Variants in SYNPR observed in about 807,000 individuals in gnomAD.
SYNPR encodes synaptoporin.
Under a neutral mutation model 32.9 loss-of-function variants are expected in SYNPR, and 23 were observed. That is an observed-to-expected ratio of 0.70 (90% CI 0.50 to 0.99). SYNPR has a LOEUF of 0.99. Ranked by LOEUF, SYNPR falls within the 50% of genes least tolerant of loss-of-function variation. The pLI is 0.00. For missense variants in SYNPR, 318 were observed against 349.3 expected, an observed-to-expected ratio of 0.91 and a Z score of 0.71; for synonymous variants, 146 against 135.9, an observed-to-expected ratio of 1.07 and a Z score of -0.52.
rs149991183 is a variant in SYNPR at position 63,242,430 on chromosome 3, A to C, written n.67-10069A>C. Among the ~76,000 whole-genome samples the C allele has an allele frequency of 3.6e-3, 546 of 152,222 alleles. 5 individuals carry two copies. The East Asian group carries it at 0.039, about 11-fold the overall frequency. On this transcript the variant is annotated intron_variant and non_coding_transcript_variant, in intron 1 of 4. Transcript: ENST00000478456. ...CGACCAGCTAGGGGAAGCAGCAAGA[A>C]AACTTGCTATATATCCAGGGTTGAG...
chr3:63,474,481 A>T (rs574670873), intron 2 of SYNPR, among the ~76,000 whole-genome samples: 1 of 152,280 alleles, frequency 6.6e-6, no homozygotes, highest in African/African-American at 2.4e-5. Context: ...CTAATGGAAA[A>T]GGAGTGAATC....
intron 2 of SYNPR, among the ~76,000 whole-genome samples, chr3:63,448,627 G>C (rs1700323498): frequency 6.6e-6 from 1 of 151,870 alleles, no homozygotes. Context: ...TTTTTTAATT[G>C]GGGGAAGATT....
intron 2 of SYNPR, among the ~76,000 whole-genome samples, chr3:63,288,323 A>T (rs1427075594): frequency 1.3e-5 from 2 of 152,216 alleles, no homozygotes; most frequent in Non-Finnish European, 2.9e-5. Flanking sequence ...CATTAAGAGG[A>T]CAGACCCAGT....
At chr3:63,240,205 A>T (rs899748055) in intron 1 of SYNPR, among the ~76,000 whole-genome samples, 1 of 150,576 alleles carries the variant, frequency 6.6e-6, no homozygotes, top group African/African-American at 2.5e-5. Flanking sequence ...CAGAGAGTTC[A>T]AACTGACAAT....
At chr3:63,510,324 A>G (rs1239847527) in intron 3 of SYNPR, among the ~76,000 whole-genome samples, 3 of 152,166 alleles carry the variant, frequency 2.0e-5, no homozygotes, top group African/African-American at 7.2e-5. Flanking sequence ...GGAGAGAACA[A>G]TGGAAAATTT....
At chr3:63,577,036 A>T (rs1467469058) in intron 4 of SYNPR, among the ~76,000 whole-genome samples, 1 of 152,072 alleles carries the variant, frequency 6.6e-6, no homozygotes, top group East Asian at 1.9e-4. Context: ...AATCTCACTG[A>T]AAAGATTCAT....
intron 2 of SYNPR, among the ~76,000 whole-genome samples, chr3:63,356,634 T>C (rs1320507529): frequency 6.6e-6 from 1 of 152,206 alleles, no homozygotes; most frequent in Non-Finnish European, 1.5e-5. Context: ...GCATTTATTA[T>C]TGTCATCATT....
At chr3:63,229,410 A>G (rs1164464272) in intron 1 of SYNPR, among the ~76,000 whole-genome samples, 1 of 152,130 alleles carries the variant, frequency 6.6e-6, no homozygotes, top group Non-Finnish European at 1.5e-5. Flanking sequence ...CTGTGTACAG[A>G]TATTCTAGGT....
At chr3:63,567,921 C>T (rs1702820419) in intron 4 of SYNPR, among the ~76,000 whole-genome samples, 1 of 152,300 alleles carries the variant, frequency 6.6e-6, no homozygotes, top group Non-Finnish European at 1.5e-5. Flanking sequence ...TATGCTATCT[C>T]AAGAAATAGA....
At chr3:63,424,808 C>T (rs1699864575) in intron 2 of SYNPR, among the ~76,000 whole-genome samples, 1 of 152,148 alleles carries the variant, frequency 6.6e-6, no homozygotes, top group Non-Finnish European at 1.5e-5. Context: ...TTCCTTACCA[C>T]TCTTCATAAG....
At chr3:63,426,212 G>A (rs989540095) in intron 2 of SYNPR, among the ~76,000 whole-genome samples, 2 of 152,184 alleles carry the variant, frequency 1.3e-5, no homozygotes, top group African/African-American at 4.8e-5. Context: ...AAGGTTATAT[G>A]CCTGTAAGTG....
chr3:63,507,601 G>A (rs781026838), intron 3 of SYNPR, among the ~76,000 whole-genome samples: 8 of 152,082 alleles, frequency 5.3e-5, no homozygotes, highest in East Asian at 3.9e-4. Context: ...TTATAAAAGC[G>A]GTGTAGGATC....
chr3:63,273,788 CTAAA>C (rs931186424), upstream of SYNPR, among the ~76,000 whole-genome samples: 1 of 152,114 alleles, frequency 6.6e-6, no homozygotes, highest in Non-Finnish European at 1.5e-5. Flanking sequence ...AACTTTTAAA[CTAAA>C]CAAACATGTA....
chr3:63,449,937 T>C (rs1442072676), intron 2 of SYNPR, among the ~76,000 whole-genome samples: 1 of 152,006 alleles, frequency 6.6e-6, no homozygotes, highest in East Asian at 1.9e-4. Context: ...TAATAAAGGA[T>C]AGAACCTGGA....
chr3:63,490,705 T>C (rs1176296583), intron 3 of SYNPR, among the ~76,000 whole-genome samples: 3 of 152,150 alleles, frequency 2.0e-5, no homozygotes, highest in Admixed American at 6.5e-5. Context: ...TTTAAGTTTC[T>C]TGTTCCTGAT....
chr3:63,244,624 C>T (rs1010562391), intron 1 of SYNPR, among the ~76,000 whole-genome samples: 1 of 152,046 alleles, frequency 6.6e-6, no homozygotes, highest in Non-Finnish European at 1.5e-5. Flanking sequence ...GTGTGAATGA[C>T]TAAGCTGACT....
chr3:63,226,068 A>T (rs111398275), upstream of SYNPR, among the ~76,000 whole-genome samples: 253 of 152,344 alleles, frequency 1.7e-3, no homozygotes, highest in African/African-American at 5.3e-3. Context: ...TCAAAAGAAG[A>T]CATACAAATG....
At chr3:63,279,209 C>A (rs1383335504) in intron 2 of SYNPR, among the ~76,000 whole-genome samples, 1 of 152,154 alleles carries the variant, frequency 6.6e-6, no homozygotes, top group Non-Finnish European at 1.5e-5. Context: ...CTCTGCGGGA[C>A]TGGGATGCTG....
chr3:63,236,623 T>A (rs1254055950), intron 1 of SYNPR, among the ~76,000 whole-genome samples: 1 of 152,150 alleles, frequency 6.6e-6, no homozygotes, highest in African/African-American at 2.4e-5. Flanking sequence ...TTCATTGTAT[T>A]TGATTTTAGA....
Sources: allele counts gnomAD v4.1 joint callset (sites outside exome capture counted in the v4.1 genomes callset), GRCh38; gene constraint gnomAD v4.1.1; transcripts MANE v1.5; gene names NCBI Gene and HGNC (gene_info 2026-07-23, HGNC 2026-07-21).